The following SLC14A2 variants were observed in gnomAD, a reference collection of about 807,000 sequenced individuals.
SLC14A2 encodes the protein solute carrier family 14 member 2.
A neutral mutation model predicts 104.6 loss-of-function variants in SLC14A2; 91 were observed. The ratio of observed to expected loss-of-function variants is 0.87; its 90% CI spans 0.73 to 1.04. The LOEUF (loss-of-function observed/expected upper bound fraction) is 1.04. SLC14A2 is among the 50% of genes least tolerant of loss of function. The pLI is 0.00. For synonymous variants in SLC14A2, 476 were observed against 466.4 expected (o/e 1.02, Z -0.27); for missense variants, 1,189 against 1,156.0 (o/e 1.03, Z -0.41).
chr18:45,261,140 T>C (rs954740479), intron 1 of SLC14A2, among the ~76,000 whole-genome samples: 9 of 151,606 alleles, frequency 5.9e-5, no homozygotes, highest in African/African-American at 1.9e-4. Flanking sequence ...ATTAGGTATA[T>C]CTCCTAATGA....
chr18:45,173,976 T>C, the SLC14A2 span, among the ~76,000 whole-genome samples: 2 of 152,264 alleles, frequency 1.3e-5, no homozygotes, highest in African/African-American at 4.8e-5. Flanking sequence ...TTTGACTGAA[T>C]TGGTGGTCAT....
chr18:45,177,507 C>A, the SLC14A2 span, among the ~76,000 whole-genome samples: 2 of 152,120 alleles, frequency 1.3e-5, no homozygotes, highest in Admixed American at 1.3e-4. Context: ...CGCAGATTTT[C>A]TTTTAGTCCT....
intron 2 of SLC14A2, among the ~76,000 whole-genome samples, chr18:45,553,148 C>T (rs2044079518): frequency 6.6e-6 from 1 of 152,170 alleles, no homozygotes; most frequent in Non-Finnish European, 1.5e-5. Context: ...CAAACACTTC[C>T]CAGCCTAATA....
intron 2 of SLC14A2, among the ~76,000 whole-genome samples, chr18:45,501,839 A>G (rs560964643): frequency 6.6e-6 from 1 of 152,328 alleles, no homozygotes; most frequent in Admixed American, 6.5e-5. Flanking sequence ...AAAATCACTC[A>G]TGAAGGAGGA....
chr18:45,296,106 A>G (rs1198529635), intron 1 of SLC14A2, among the ~76,000 whole-genome samples: 2 of 152,186 alleles, frequency 1.3e-5, no homozygotes, highest in Non-Finnish European at 2.9e-5. Flanking sequence ...TTTGCATTAA[A>G]CAAGGCTTAA....
intron 1 of SLC14A2, among the ~76,000 whole-genome samples, chr18:45,280,766 C>A (rs1463988474): frequency 3.3e-5 from 5 of 152,138 alleles, no homozygotes; most frequent in Non-Finnish European, 5.9e-5. Flanking sequence ...GATGTTTATC[C>A]CCCTGTGGTC....
intron 1 of SLC14A2, among the ~76,000 whole-genome samples, chr18:45,412,871 A>T (rs1252669677): frequency 1.3e-5 from 2 of 152,190 alleles, no homozygotes; most frequent in Non-Finnish European, 2.9e-5. Context: ...GGCAAGCCCT[A>T]ACTGAAGGGA....
chr18:45,346,663 C>T (rs1446782187), intron 1 of SLC14A2, among the ~76,000 whole-genome samples: 2 of 152,088 alleles, frequency 1.3e-5, no homozygotes, highest in Non-Finnish European at 2.9e-5. Flanking sequence ...CGCAGTAGCT[C>T]AGGCCTGTAA....
intron 2 of SLC14A2, among the ~76,000 whole-genome samples, chr18:45,550,863 G>A (rs1197773503): frequency 6.6e-6 from 1 of 152,186 alleles, no homozygotes; most frequent in African/African-American, 2.4e-5. Flanking sequence ...AGAGCTGAGA[G>A]ATACAGTGCC....
At chr18:45,193,658 C>T in the SLC14A2 span, among the ~76,000 whole-genome samples, 2 of 152,104 alleles carry the variant, frequency 1.3e-5, no homozygotes, top group African/African-American at 4.8e-5. Context: ...AGCCATCTAC[C>T]TTTATTCTTC....
chr18:45,283,245 A>G (rs1433494377), intron 1 of SLC14A2, among the ~76,000 whole-genome samples: 1 of 149,484 alleles, frequency 6.7e-6, no homozygotes, highest in Non-Finnish European at 1.5e-5. Flanking sequence ...CTCCTAATTG[A>G]TAAAAGTGGA....
intron 1 of SLC14A2, among the ~76,000 whole-genome samples, chr18:45,442,349 G>T (rs1366588726): frequency 6.6e-6 from 1 of 152,120 alleles, no homozygotes; most frequent in Non-Finnish European, 1.5e-5. Flanking sequence ...AGAGATCAAG[G>T]TATTGATAGA....
chr18:45,340,627 A>G (rs1356920118), intron 1 of SLC14A2, among the ~76,000 whole-genome samples: 2 of 152,246 alleles, frequency 1.3e-5, no homozygotes, highest in Admixed American at 6.5e-5. Flanking sequence ...AAAAATTACA[A>G]TACAACTTTC....
At chr18:45,224,636 G>A (rs2084096057) in intron 1 of SLC14A2, among the ~76,000 whole-genome samples, 1 of 152,080 alleles carries the variant, frequency 6.6e-6, no homozygotes, top group Non-Finnish European at 1.5e-5. Context: ...CAGCCAGTGT[G>A]TTAAGCATTG....
chr18:45,222,492 GGAGAACAGTGGT>G (rs2084072801), intron 1 of SLC14A2, among the ~76,000 whole-genome samples: 1 of 152,184 alleles, frequency 6.6e-6, no homozygotes, highest in East Asian at 1.9e-4. Flanking sequence ...CTCAGAGGAA[GGAGAACAGTGGT>G]GAGAAAAGCT....
chr18:45,679,165 C>A, intron 19 of SLC14A2, 141 bp downstream of exon 19: 1 of 735,880 alleles, frequency 1.4e-6, no homozygotes, highest in Non-Finnish European at 2.2e-6. Context: ...CTACTCACTT[C>A]AGCACCTGCT....
intron 2 of SLC14A2, among the ~76,000 whole-genome samples, chr18:45,488,394 G>A (rs1001672491): frequency 6.6e-6 from 1 of 152,204 alleles, no homozygotes; most frequent in African/African-American, 2.4e-5. Context: ...GGGCAGGACA[G>A]GTAGTCCTGA....
intron 2 of SLC14A2, among the ~76,000 whole-genome samples, chr18:45,546,385 C>T (rs1598988528): frequency 6.6e-6 from 1 of 152,222 alleles, no homozygotes; most frequent in Non-Finnish European, 1.5e-5. Context: ...GCCTGACACA[C>T]AGTGATGCTG....
At chr18:45,317,461 A>C (rs1018469026) in intron 1 of SLC14A2, among the ~76,000 whole-genome samples, 1 of 152,198 alleles carries the variant, frequency 6.6e-6, no homozygotes, top group African/African-American at 2.4e-5. Context: ...TTACAGTATA[A>C]AATGTTAGGC....
Sources: gnomAD v4.1 joint callset for allele counts (sites outside exome capture counted in the v4.1 genomes callset) on GRCh38, gnomAD v4.1.1 for gene constraint, MANE v1.5 for transcripts, NCBI Gene and HGNC (gene_info 2026-07-23, HGNC 2026-07-21) for gene names.